The following ACTR3C variants were observed in gnomAD, a reference collection of about 807,000 sequenced individuals.
The protein encoded by ACTR3C is actin-related protein 3C.
In ACTR3C, 18 loss-of-function variants were observed where a neutral mutation model predicts 26.3. That is an observed-to-expected ratio of 0.68 (90% CI 0.47 to 1.01). The LOEUF (loss-of-function observed/expected upper bound fraction) is 1.01. ACTR3C is among the 50% of genes least tolerant of loss of function. The pLI is 0.00. For missense variants in ACTR3C, 184 were observed against 250.7 expected, an observed-to-expected ratio of 0.73 and a Z score of 1.80; for synonymous variants, 55 against 94.5, an observed-to-expected ratio of 0.58 and a Z score of 2.42.
the ACTR3C span, among the ~76,000 whole-genome samples, chr7:149,993,752 G>A: frequency 2.2e-4 from 33 of 152,092 alleles, no homozygotes; most frequent in African/African-American, 8.0e-4. Flanking sequence ...TGTCTGTTTG[G>A]AGAACACAGG....
chr7:150,309,410 T>C (rs1019091060), intron 1 of ACTR3C, among the ~76,000 whole-genome samples: 1 of 152,172 alleles, frequency 6.6e-6, no homozygotes, highest in African/African-American at 2.4e-5. Flanking sequence ...AAAATTGGAA[T>C]CTGGCCCTCA....
chr7:149,956,761 C>A, the ACTR3C span, among the ~76,000 whole-genome samples: 1 of 151,838 alleles, frequency 6.6e-6, no homozygotes, highest in African/African-American at 2.4e-5. Context: ...CATTTAAAAT[C>A]ATGAAAGAGC....
the ACTR3C span, among the ~76,000 whole-genome samples, chr7:150,038,001 A>AGG: frequency 6.6e-5 from 8 of 120,998 alleles, 1 homozygote; most frequent in Admixed American, 3.9e-4. Flanking sequence ...GCCTCGCGGG[A>AGG]ATTGCCTCCC....
chr7:150,084,847 G>A, the ACTR3C span, among the ~76,000 whole-genome samples: 7 of 152,116 alleles, frequency 4.6e-5, no homozygotes, highest in Non-Finnish European at 7.4e-5. Context: ...GTGGAAGCAG[G>A]GACCTCTTGG....
At position 150,295,119 on chromosome 7, in the gene ACTR3C, G is replaced by A. The variant is rs1836626057; in HGVS notation, c.45+133C>T. On this transcript the variant is annotated intron_variant, in intron 2 of 7. Coordinates refer to ENST00000683684, the MANE Select transcript of ACTR3C (RefSeq NM_001164458.2). ...CCTTCCCTATAGTCCTGAATGGCAT[G>A]GGGACGGGGGAGGGAGTGGAAAAAG... The A allele has an allele frequency of 7.5e-6, 8 of 1,071,840 alleles. No individual in the cohort carries two copies. The South Asian group carries it at 8.3e-5, about 11-fold the overall frequency. 66.4% of individuals were successfully genotyped at this position (1,071,840 alleles called of 1,614,324 possible). A position where few individuals can be genotyped will look rare whatever the true frequency, so the allele number is the denominator to read the frequency against.
chr7:149,995,852 C>T, the ACTR3C span, among the ~76,000 whole-genome samples: 2 of 152,336 alleles, frequency 1.3e-5, no homozygotes, highest in African/African-American at 2.4e-5. Context: ...AGGTGAGCCT[C>T]GTTTGGGGTC....
the ACTR3C span, among the ~76,000 whole-genome samples, chr7:150,020,938 A>G: frequency 6.6e-6 from 1 of 151,920 alleles, no homozygotes; most frequent in African/African-American, 2.4e-5. Flanking sequence ...CTCCTGCCTC[A>G]GCCTCCCGAG....
chr7:149,975,025 G>A, the ACTR3C span, among the ~76,000 whole-genome samples: 6 of 152,132 alleles, frequency 3.9e-5, no homozygotes, highest in Non-Finnish European at 8.8e-5. Context: ...GCTCTGGCGG[G>A]AACACCTACA....
chr7:149,957,714 G>A, the ACTR3C span, among the ~76,000 whole-genome samples: 54 of 151,092 alleles, frequency 3.6e-4, no homozygotes, highest in Non-Finnish European at 4.6e-4. Context: ...GCCTGCATGC[G>A]ACTCAGCCTC....
intron 1 of ACTR3C, among the ~76,000 whole-genome samples, chr7:150,313,679 G>C (rs1387003051): frequency 1.3e-5 from 2 of 151,826 alleles, no homozygotes; most frequent in African/African-American, 4.9e-5. Flanking sequence ...TGGCCAAGAG[G>C]AGGTGTGCAT....
the ACTR3C span, among the ~76,000 whole-genome samples, chr7:150,033,894 C>T: frequency 2.2e-5 from 3 of 135,494 alleles, no homozygotes; most frequent in African/African-American, 5.7e-5. Context: ...AAGAGGGGCT[C>T]GCTCTCAGTC....
intron 6 of ACTR3C, among the ~76,000 whole-genome samples, chr7:150,254,285 G>T (rs1833054961): frequency 6.6e-6 from 1 of 152,120 alleles, no homozygotes; most frequent in Non-Finnish European, 1.5e-5. Flanking sequence ...TTGGAACCCT[G>T]ATCCTATATT....
intron 1 of ACTR3C, among the ~76,000 whole-genome samples, chr7:150,310,149 A>G (rs1796179091): frequency 6.6e-6 from 1 of 152,090 alleles, no homozygotes; most frequent in South Asian, 2.1e-4. Context: ...TTCCCTGGTT[A>G]TTCCTGGGCT....
chr7:150,289,104 C>T (rs940277545), intron 4 of ACTR3C, among the ~76,000 whole-genome samples: 12 of 151,792 alleles, frequency 7.9e-5, no homozygotes, highest in Non-Finnish European at 1.3e-4. Flanking sequence ...CTGCTGTGGT[C>T]GCCTCCTGAT....
the ACTR3C span, among the ~76,000 whole-genome samples, chr7:150,078,155 T>C: frequency 6.6e-6 from 1 of 152,358 alleles, no homozygotes; most frequent in Admixed American, 6.5e-5. Flanking sequence ...AGGATGTTTT[T>C]CCTGGCCTCT....
the ACTR3C span, among the ~76,000 whole-genome samples, chr7:150,125,520 A>G: frequency 3.9e-5 from 6 of 151,938 alleles, no homozygotes; most frequent in Non-Finnish European, 8.8e-5. Flanking sequence ...CAGGGCTTAC[A>G]CCTAGGGGTG....
At chr7:150,197,315 T>C in the ACTR3C span, among the ~76,000 whole-genome samples, 1 of 152,218 alleles carries the variant, frequency 6.6e-6, no homozygotes, top group African/African-American at 2.4e-5. Flanking sequence ...CAACCCACAC[T>C]TGACCTCTAC....
chr7:150,047,954 G>T, the ACTR3C span: 5 of 1,217,628 alleles, frequency 4.1e-6, no homozygotes, highest in Non-Finnish European at 5.2e-6. Context: ...AAAAAAGGCG[G>T]TGGGGAGGCA....
At chr7:149,981,681 T>C in the ACTR3C span, among the ~76,000 whole-genome samples, 1 of 151,520 alleles carries the variant, frequency 6.6e-6, no homozygotes, top group Non-Finnish European at 1.5e-5. Context: ...CATTTGTCTT[T>C]CACACCATCT....
Sources: gnomAD v4.1 joint callset for allele counts (sites outside exome capture counted in the v4.1 genomes callset) on GRCh38, gnomAD v4.1.1 for gene constraint, MANE v1.5 for transcripts, NCBI Gene and HGNC (gene_info 2026-07-23, HGNC 2026-07-21) for gene names.